The following NCKAP5 variants were observed in gnomAD, a reference collection of about 807,000 sequenced individuals.
NCKAP5 encodes nck-associated protein 5.
In NCKAP5, 92 loss-of-function variants were observed where a neutral mutation model predicts 167.0. The ratio of observed to expected loss-of-function variants is 0.55; its 90% CI spans 0.47 to 0.66. NCKAP5 has a LOEUF of 0.66. NCKAP5 is among the 30% of genes least tolerant of loss of function. NCKAP5 has a pLI of 0.00. For synonymous variants in NCKAP5, 891 were observed against 877.4 expected, an observed-to-expected ratio of 1.02 and a Z score of -0.27; for missense variants, 2,378 against 2,315.0, an observed-to-expected ratio of 1.03 and a Z score of -0.56.
intron 6 of NCKAP5, among the ~76,000 whole-genome samples, chr2:133,013,124 G>A (rs1471529313): frequency 6.6e-6 from 1 of 152,202 alleles, no homozygotes; most frequent in African/African-American, 2.4e-5. Flanking sequence ...CACCAGCAGG[G>A]TTTTGAAAGC....
intron 6 of NCKAP5, among the ~76,000 whole-genome samples, chr2:133,096,505 T>G (rs1242689023): frequency 1.3e-5 from 2 of 150,296 alleles, no homozygotes; most frequent in African/African-American, 4.9e-5. Context: ...AATAAATAAA[T>G]AAATAAATAA....
At chr2:133,303,175 AC>A in intron 3 of NCKAP5, 65 bp from the exon 4 acceptor site, 1 of 1,103,166 alleles carries the variant, frequency 9.1e-7, no homozygotes, top group Non-Finnish European at 1.4e-6. Flanking sequence ...TAAGACCCTG[AC>A]CTTATCTCTA....
At chr2:133,507,703 C>T (rs1260760533) in intron 3 of NCKAP5, among the ~76,000 whole-genome samples, 3 of 152,144 alleles carry the variant, frequency 2.0e-5, no homozygotes, top group Admixed American at 6.5e-5. Context: ...AATATGATGG[C>T]TCCTGGATTT....
At chr2:132,858,494 C>G (rs1429537523) in intron 11 of NCKAP5, among the ~76,000 whole-genome samples, 2 of 152,008 alleles carry the variant, frequency 1.3e-5, no homozygotes, top group East Asian at 3.8e-4. Flanking sequence ...TTTCTCAAAC[C>G]CTAAAGTACT....
intron 3 of NCKAP5, among the ~76,000 whole-genome samples, chr2:133,488,365 G>A (rs1344613741): frequency 2.0e-5 from 3 of 152,140 alleles, no homozygotes; most frequent in Non-Finnish European, 4.4e-5. Context: ...GGTGGCTGTT[G>A]ATCAGACATT....
chr2:132,731,249 C>G (rs1297893497), intron 17 of NCKAP5, among the ~76,000 whole-genome samples: 1 of 152,212 alleles, frequency 6.6e-6, no homozygotes, highest in Non-Finnish European at 1.5e-5. Context: ...AAGACTCACT[C>G]TATTCTATTG....
intron 3 of NCKAP5, among the ~76,000 whole-genome samples, chr2:133,477,033 G>A (rs1329730413): frequency 5.3e-5 from 8 of 152,100 alleles, no homozygotes; most frequent in Admixed American, 1.3e-4. Context: ...TCACACATCC[G>A]CTTTTGTTGG....
At chr2:133,188,442 C>A (rs184706449) in intron 5 of NCKAP5, among the ~76,000 whole-genome samples, 72 of 152,156 alleles carry the variant, frequency 4.7e-4, no homozygotes, top group African/African-American at 1.7e-3. Flanking sequence ...ACCTAATAGA[C>A]ACCTACAGAA....
chr2:133,100,341 C>T (rs1304853405), intron 6 of NCKAP5, among the ~76,000 whole-genome samples: 1 of 152,166 alleles, frequency 6.6e-6, no homozygotes, highest in Non-Finnish European at 1.5e-5. Context: ...AGTTCTTTTG[C>T]TACTCTGCAT....
At chr2:133,179,581 A>T (rs983971463) in intron 5 of NCKAP5, among the ~76,000 whole-genome samples, 1 of 152,248 alleles carries the variant, frequency 6.6e-6, no homozygotes, top group African/African-American at 2.4e-5. Flanking sequence ...TTCAATGAAT[A>T]GTAATGAACA....
intron 6 of NCKAP5, among the ~76,000 whole-genome samples, chr2:133,029,757 G>A (rs2078821095): frequency 6.6e-6 from 1 of 152,082 alleles, no homozygotes; most frequent in Non-Finnish European, 1.5e-5. Context: ...TGTGCTAGGG[G>A]ACACAAAAAA....
chr2:133,471,181 G>A (rs1319679549), intron 3 of NCKAP5, among the ~76,000 whole-genome samples: 1 of 151,940 alleles, frequency 6.6e-6, no homozygotes, highest in Non-Finnish European at 1.5e-5. Context: ...AAAGGTTAGA[G>A]TCCTCTCAGG....
At chr2:133,254,711 A>T (rs971284736) in intron 4 of NCKAP5, among the ~76,000 whole-genome samples, 24 of 152,146 alleles carry the variant, frequency 1.6e-4, no homozygotes, top group Non-Finnish European at 2.9e-5. Context: ...GTTTGGGTGA[A>T]GTTACGTAAG....
chr2:132,711,575 C>T (rs1259833031), intron 19 of NCKAP5, among the ~76,000 whole-genome samples: 2 of 152,164 alleles, frequency 1.3e-5, no homozygotes, highest in African/African-American at 4.8e-5. Flanking sequence ...CATTCATTCA[C>T]CTTCTCATCA....
chr2:133,242,565 G>A (rs113123333), intron 4 of NCKAP5, among the ~76,000 whole-genome samples: 3,919 of 152,162 alleles, frequency 0.026, 153 homozygotes, highest in African/African-American at 0.084. Context: ...GGTAGCTAAC[G>A]GAGATTCTAC....
intron 19 of NCKAP5, among the ~76,000 whole-genome samples, chr2:132,680,262 C>G (rs529387518): frequency 1.3e-5 from 2 of 152,142 alleles, no homozygotes; most frequent in Non-Finnish European, 1.5e-5. Context: ...TCTCTCCCTC[C>G]AACCACACTC....
intron 8 of NCKAP5, among the ~76,000 whole-genome samples, chr2:132,905,247 T>A (rs540710968): frequency 6.6e-6 from 1 of 152,338 alleles, no homozygotes; most frequent in East Asian, 1.9e-4. Context: ...ATACAATATC[T>A]CCTTTACAAC....
At chr2:132,816,493 A>C (rs1182416244) in intron 11 of NCKAP5, among the ~76,000 whole-genome samples, 1 of 152,120 alleles carries the variant, frequency 6.6e-6, no homozygotes, top group African/African-American at 2.4e-5. Context: ...AGGGCTGTCC[A>C]TGCCCTGAAA....
chr2:132,920,673 ATATATAAGTTAGTT>A (rs1481901447), intron 8 of NCKAP5, among the ~76,000 whole-genome samples: 5,616 of 132,440 alleles, frequency 0.042, 680 homozygotes, highest in East Asian at 0.15. Flanking sequence ...ATATATATAT[ATATATAAGTTAGTT>A]TATATATATA....
Sources: gnomAD v4.1 joint callset for allele counts (sites outside exome capture counted in the v4.1 genomes callset) on GRCh38, gnomAD v4.1.1 for gene constraint, MANE v1.5 for transcripts, NCBI Gene and HGNC (gene_info 2026-07-23, HGNC 2026-07-21) for gene names.